ZNF516: variants seen among roughly 807,000 people sequenced by gnomAD.
ZNF516 encodes zinc finger protein 516.
In ZNF516, 19 loss-of-function variants were observed where a neutral mutation model predicts 79.7. That is an observed-to-expected ratio of 0.24 (90% CI 0.17 to 0.35). The LOEUF (loss-of-function observed/expected upper bound fraction) is 0.35, where lower values mean the gene tolerates loss of function less well. ZNF516 is among the 10% of genes least tolerant of loss of function. ZNF516 has a pLI of 1.00. For synonymous variants in ZNF516, 877 were observed against 739.5 expected (o/e 1.19, Z -3.02); for missense variants, 1,678 against 1,679.5 (o/e 1.00, Z 0.02).
chr18:76,425,322 C>CCTTT (rs1236642760), intron 3 of ZNF516, among the ~76,000 whole-genome samples: 2 of 152,218 alleles, frequency 1.3e-5, no homozygotes, highest in Admixed American at 1.3e-4. Context: ...ACACAGAATT[C>CCTTT]CCAAAAGAAT....
upstream of ZNF516, chr18:76,495,727 G>A: frequency 1.7e-6 from 2 of 1,182,226 alleles, no homozygotes; most frequent in Non-Finnish European, 2.1e-6. Flanking sequence ...CCCGCCGGCG[G>A]GTACCTGGGC....
chr18:76,416,571 T>G (rs2075435659), intron 3 of ZNF516, among the ~76,000 whole-genome samples: 1 of 152,234 alleles, frequency 6.6e-6, no homozygotes, highest in African/African-American at 2.4e-5. Flanking sequence ...GATTTGGATT[T>G]TCTGCAGGCC....
intron 3 of ZNF516, among the ~76,000 whole-genome samples, chr18:76,420,954 AT>A (rs1467718861): frequency 2.6e-5 from 4 of 152,166 alleles, no homozygotes; most frequent in Non-Finnish European, 5.9e-5. Flanking sequence ...TAAATCATGA[AT>A]TTTGGTGGTG....
intron 3 of ZNF516, among the ~76,000 whole-genome samples, chr18:76,416,209 G>A (rs909566735): frequency 4.6e-5 from 7 of 152,224 alleles, no homozygotes; most frequent in African/African-American, 1.7e-4. Flanking sequence ...AATCATGTTT[G>A]GAAACCACAC....
chr18:76,425,181 GAAAAAA>G (rs111600866), intron 3 of ZNF516, among the ~76,000 whole-genome samples: 1 of 144,736 alleles, frequency 6.9e-6, no homozygotes, highest in East Asian at 2.0e-4. Flanking sequence ...TCAAAAAAAA[GAAAAAA>G]AAAAAGTGAG....
At chr18:76,380,900 T>C (rs1433246385) in intron 3 of ZNF516, among the ~76,000 whole-genome samples, 1 of 152,200 alleles carries the variant, frequency 6.6e-6, no homozygotes, top group Non-Finnish European at 1.5e-5. Context: ...AGGGCAATTC[T>C]CAAGCCCAAA....
chr18:76,376,986 G>A (rs919127816), intron 4 of ZNF516, among the ~76,000 whole-genome samples: 1 of 152,280 alleles, frequency 6.6e-6, no homozygotes, highest in African/African-American at 2.4e-5. Flanking sequence ...CACATCTCCA[G>A]AAGTGAGGCT....
chr18:76,434,740 G>A (rs1043799395), intron 3 of ZNF516, among the ~76,000 whole-genome samples: 6 of 152,258 alleles, frequency 3.9e-5, no homozygotes, highest in African/African-American at 1.4e-4. Flanking sequence ...CCCTTTCCCA[G>A]GCTGGAAGCT....
At chr18:76,407,028 G>C (rs1190814446) in intron 3 of ZNF516, among the ~76,000 whole-genome samples, 1 of 152,188 alleles carries the variant, frequency 6.6e-6, no homozygotes, top group African/African-American at 2.4e-5. Context: ...ACAGAATCCA[G>C]GTTCTCTCGT....
intron 3 of ZNF516, among the ~76,000 whole-genome samples, chr18:76,402,777 C>T (rs2075248704): frequency 6.6e-6 from 1 of 152,276 alleles, no homozygotes; most frequent in African/African-American, 2.4e-5. Flanking sequence ...CGCTGCGCTT[C>T]TATCAGCTTG....
intron 2 of ZNF516, among the ~76,000 whole-genome samples, chr18:76,460,876 A>G (rs1181678901): frequency 6.6e-6 from 1 of 152,230 alleles, no homozygotes; most frequent in Admixed American, 6.5e-5. Flanking sequence ...CAGAAGTAAT[A>G]GAAGGGCCTT....
intron 1 of ZNF516, among the ~76,000 whole-genome samples, chr18:76,466,580 C>T (rs1389263273): frequency 2.0e-5 from 3 of 152,214 alleles, no homozygotes; most frequent in African/African-American, 7.2e-5. Context: ...GGTGCCGGGG[C>T]CGCGCATCTC....
intron 1 of ZNF516, among the ~76,000 whole-genome samples, chr18:76,480,486 TATACAC>T (rs1182161560): frequency 9.8e-5 from 13 of 132,580 alleles, no homozygotes; most frequent in African/African-American, 3.8e-4. Flanking sequence ...CACACACACA[TATACAC>T]ATACACACAC....
At chr18:76,370,437 A>G (rs1270573279) in intron 6 of ZNF516, 91 bp downstream of exon 6, 3 of 1,271,254 alleles carry the variant, frequency 2.4e-6, no homozygotes, top group Non-Finnish European at 3.2e-6. Flanking sequence ...AAAAAACAAA[A>G]AGAAGGTCAT....
chr18:76,370,744 AC>A (rs758975169), intron 5 of ZNF516, 149 bp from the exon 6 acceptor site: 2 of 615,040 alleles, frequency 3.3e-6, no homozygotes, highest in Non-Finnish European at 5.2e-6. Context: ...CGTAACACTT[AC>A]AGTAAGAGAC....
chr18:76,412,214 C>G (rs142111321), intron 3 of ZNF516, among the ~76,000 whole-genome samples: 189 of 152,348 alleles, frequency 1.2e-3, no homozygotes, highest in African/African-American at 4.4e-3. Context: ...AGTCCGGGAC[C>G]AAGACCAGCG....
chr18:76,475,751 A>G (rs554706010), intron 1 of ZNF516, among the ~76,000 whole-genome samples: 2 of 152,330 alleles, frequency 1.3e-5, no homozygotes, highest in East Asian at 3.9e-4. Context: ...TGTACACACA[A>G]CAGCACCCTA....
At chr18:76,447,305 G>A (rs947758464) in intron 2 of ZNF516, among the ~76,000 whole-genome samples, 4 of 152,168 alleles carry the variant, frequency 2.6e-5, no homozygotes, top group Admixed American at 6.5e-5. Context: ...TTTAAATCCC[G>A]CCAACCCCTG....
intron 1 of ZNF516, among the ~76,000 whole-genome samples, chr18:76,482,172 G>GTTTT (rs1199761028): frequency 2.0e-5 from 3 of 152,088 alleles, no homozygotes; most frequent in African/African-American, 7.2e-5. Context: ...ACACATCAAC[G>GTTTT]GCCATGTTTT....
Sources: allele counts gnomAD v4.1 joint callset (sites outside exome capture counted in the v4.1 genomes callset), GRCh38; gene constraint gnomAD v4.1.1; transcripts MANE v1.5; gene names NCBI Gene and HGNC (gene_info 2026-07-23, HGNC 2026-07-21).